The following NSRP1 variants were observed in gnomAD, a reference collection of about 807,000 sequenced individuals.
NSRP1 encodes the protein coiled-coil domain containing 55.
A neutral mutation model predicts 54.7 loss-of-function variants in NSRP1; 24 were observed. The observed-to-expected ratio is 0.44, with a 90% CI of 0.32 to 0.62. The LOEUF (loss-of-function observed/expected upper bound fraction) is 0.62. Ranked by LOEUF, NSRP1 falls within the 20% of genes least tolerant of loss-of-function variation. The pLI is 0.06. For missense variants in NSRP1, 596 were observed against 651.2 expected, an observed-to-expected ratio of 0.92 and a Z score of 0.92; for synonymous variants, 210 against 213.8, an observed-to-expected ratio of 0.98 and a Z score of 0.15.
At chr17:30,183,087 G>C (rs186322114) in intron 6 of NSRP1, among the ~76,000 whole-genome samples, 177 of 152,202 alleles carry the variant, frequency 1.2e-3, no homozygotes, top group Admixed American at 2.3e-3. Context: ...ATTTCTTGAG[G>C]CATTTCTATT....
intron 3 of NSRP1, among the ~76,000 whole-genome samples, chr17:30,176,104 GTTGTTTTGTTTTGTT>G (rs60387947): frequency 6.7e-6 from 1 of 150,194 alleles, no homozygotes; most frequent in Non-Finnish European, 1.5e-5. Context: ...TGTTGTTGTT[GTTGTTTTGTTTTGTT>G]TTGTTTTGTT....
In NSRP1 at chr17:30,185,772, G is replaced by A; in HGVS notation, c.*98G>A. The A allele has an allele frequency of 7.7e-7, 1 of 1,305,734 alleles. No individual in the cohort carries two copies. The highest frequency in any genetic ancestry group is 1.0e-6 in the Non-Finnish European group (1 of 967,610). 80.9% of individuals were successfully genotyped at this position (1,305,734 alleles called of 1,614,324 possible). A position where few individuals can be genotyped will look rare whatever the true frequency, so the allele number is the denominator to read the frequency against. ...AAAGGAGTGTGTTACCAGTAGTTTG[G>A]AGGGCATTTTTAAATTTATTTTCAA... On this transcript the variant is annotated 3_prime_UTR_variant, in exon 7 of 7. Transcript: ENST00000247026.
At chr17:30,172,014 T>TCTCTCTCTCA (rs144705088) in intron 2 of NSRP1, among the ~76,000 whole-genome samples, 62 of 131,172 alleles carry the variant, frequency 4.7e-4, no homozygotes, top group East Asian at 1.3e-3. Flanking sequence ...TCTCTCTCTC[T>TCTCTCTCTCA]CACATGTTCA....
At chr17:30,128,791 T>G (rs1168790162) in intron 2 of NSRP1, among the ~76,000 whole-genome samples, 1 of 152,150 alleles carries the variant, frequency 6.6e-6, no homozygotes, top group Non-Finnish European at 1.5e-5. Context: ...GGCTATCACA[T>G]TCATCATGAA....
At chr17:30,169,996 GTT>G (rs138358292) in intron 2 of NSRP1, among the ~76,000 whole-genome samples, 2 of 150,670 alleles carry the variant, frequency 1.3e-5, no homozygotes, top group Non-Finnish European at 3.0e-5. Flanking sequence ...TTAAGACTTC[GTT>G]TTTTTTTAAA....
In NSRP1 at chr17:30,154,930, C is replaced by T. The variant is rs533208624; in HGVS notation, c.115-17612C>T. ...GATTAGGGATATTCAGCCTGTACTTCCTTTATTTTCAAAGAGGGCTTTTAT... is the reference window on the plus strand; with the variant it reads ...GATTAGGGATATTCAGCCTGTACTTTCTTTATTTTCAAAGAGGGCTTTTAT... On this transcript the variant is annotated intron_variant, in intron 2 of 6. Coordinates refer to ENST00000247026, the MANE Select transcript of NSRP1 (RefSeq NM_032141.4). Among the ~76,000 whole-genome samples, 5 of 152,194 alleles carry T rather than the reference C, an allele frequency of 3.3e-5. No individual in the cohort carries two copies. The South Asian group carries it at 1.0e-3, about 32-fold the overall frequency.
intron 2 of NSRP1, among the ~76,000 whole-genome samples, chr17:30,153,065 C>T (rs2143004414): frequency 6.6e-6 from 1 of 152,050 alleles, no homozygotes; most frequent in East Asian, 1.9e-4. Context: ...CAGGCGTGCA[C>T]CACCACACCC....
chr17:30,137,535 G>A (rs1441567980), intron 2 of NSRP1, among the ~76,000 whole-genome samples: 2 of 152,218 alleles, frequency 1.3e-5, no homozygotes, highest in African/African-American at 4.8e-5. Context: ...ACAGTGAGGA[G>A]CCACAGCCGT....
At chr17:30,129,881 T>A (rs145296823) in intron 2 of NSRP1, among the ~76,000 whole-genome samples, 7 of 152,350 alleles carry the variant, frequency 4.6e-5, no homozygotes, top group African/African-American at 1.7e-4. Flanking sequence ...TCTCATATGC[T>A]ATTAAACTGA....
chr17:30,117,476 A>G, intron 1 of NSRP1: 2 of 422,936 alleles, frequency 4.7e-6, no homozygotes, highest in Admixed American at 7.7e-5. Flanking sequence ...AAACGTGAGA[A>G]ACTAAAGGAG....
In NSRP1 at chr17:30,149,647, A is replaced by G. The variant is rs1018181489; in HGVS notation, c.115-22895A>G. Among the ~76,000 whole-genome samples, 132 of 151,876 alleles carry G rather than the reference A, an allele frequency of 8.7e-4. 1 individual carries two copies. Among genetic ancestry groups the G allele is most frequent in the Non-Finnish European group, 7.4e-5 (5 of 67,972 alleles). ...GGAGTTCAAGACTAGCGGGGGAAAC[A>G]TGGTGAGACCCTGTCTCTGCAAAAA... is the stretch of plus-strand genomic sequence containing the variant. On this transcript the variant is annotated intron_variant, in intron 2 of 6. Coordinates refer to ENST00000247026, the MANE Select transcript of NSRP1 (RefSeq NM_032141.4).
chr17:30,179,929 C>T (rs1411194817), intron 5 of NSRP1, among the ~76,000 whole-genome samples: 1 of 151,774 alleles, frequency 6.6e-6, no homozygotes, highest in African/African-American at 2.4e-5. Flanking sequence ...CCTGACCTCC[C>T]AGGCTCCAGT....
chr17:30,134,673 G>T (rs1479101744), intron 2 of NSRP1, among the ~76,000 whole-genome samples: 1 of 152,152 alleles, frequency 6.6e-6, no homozygotes, highest in Non-Finnish European at 1.5e-5. Flanking sequence ...TTGAATTCAG[G>T]TCTGCCTGAT....
chr17:30,152,926 T>C (rs1231386054), intron 2 of NSRP1, among the ~76,000 whole-genome samples: 1 of 104,040 alleles, frequency 9.6e-6, no homozygotes, highest in Admixed American at 1.2e-4. Flanking sequence ...TTTTTTTTTT[T>C]GAGACAGAGC....
intron 2 of NSRP1, among the ~76,000 whole-genome samples, chr17:30,121,877 G>GTT (rs1266521213): frequency 6.6e-6 from 1 of 151,900 alleles, no homozygotes; most frequent in East Asian, 1.9e-4. Context: ...CAATTCACTG[G>GTT]TTTTTAAGAG....
At chr17:30,179,748 T>A (rs965130054) in intron 5 of NSRP1, among the ~76,000 whole-genome samples, 3 of 152,140 alleles carry the variant, frequency 2.0e-5, no homozygotes, top group Non-Finnish European at 4.4e-5. Context: ...GAAGAAAGAA[T>A]AAAAATTGGA....
chr17:30,146,556 C>T (rs2071857611), intron 2 of NSRP1, among the ~76,000 whole-genome samples: 1 of 152,030 alleles, frequency 6.6e-6, no homozygotes, highest in Non-Finnish European at 1.5e-5. Flanking sequence ...TTTTTTACCC[C>T]ATTAATGTCC....
chr17:30,136,257 A>T (rs1307792170), intron 2 of NSRP1, among the ~76,000 whole-genome samples: 1 of 152,218 alleles, frequency 6.6e-6, no homozygotes, highest in Non-Finnish European at 1.5e-5. Flanking sequence ...TGGCTCATTT[A>T]TTATATATTA....
intron 2 of NSRP1, among the ~76,000 whole-genome samples, chr17:30,162,523 A>G (rs375312574): frequency 1.3e-5 from 2 of 152,250 alleles, no homozygotes; most frequent in East Asian, 1.9e-4. Flanking sequence ...TTAAAAAAGT[A>G]AAAAAGAACA....
Sources: gnomAD v4.1 joint callset for allele counts (sites outside exome capture counted in the v4.1 genomes callset) on GRCh38, gnomAD v4.1.1 for gene constraint, MANE v1.5 for transcripts, NCBI Gene and HGNC (gene_info 2026-07-23, HGNC 2026-07-21) for gene names.